Variants in CADM2 observed in about 807,000 individuals in gnomAD.
The protein encoded by CADM2 is immunoglobulin superfamily member 4D.
CADM2 carries 12 observed loss-of-function variants against 49.8 expected under a neutral mutation model. The observed-to-expected ratio is 0.24, with a 90% CI of 0.15 to 0.39. The LOEUF (loss-of-function observed/expected upper bound fraction) is 0.39. CADM2 is among the 10% of genes least tolerant of loss of function. The probability of loss-of-function intolerance (pLI) is 1.00; values close to 1 mark genes in which losing one functional copy is unlikely to be tolerated. For missense variants in CADM2, 378 were observed against 492.3 expected (o/e 0.77, Z 2.20); for synonymous variants, 214 against 175.4 (o/e 1.22, Z -1.74).
chr3:86,021,197 G>A (rs1246495367), intron 8 of CADM2, among the ~76,000 whole-genome samples: 1 of 151,918 alleles, frequency 6.6e-6, no homozygotes, highest in Non-Finnish European at 1.5e-5. Context: ...ATGAGGTTTT[G>A]CCATGTTGGC....
chr3:85,207,388 C>T (rs1208208921), intron 1 of CADM2, among the ~76,000 whole-genome samples: 2 of 152,028 alleles, frequency 1.3e-5, no homozygotes, highest in Non-Finnish European at 2.9e-5. Flanking sequence ...GGGTAACAGA[C>T]ATTTTATTTT....
In CADM2 at chr3:85,216,035, G is replaced by A. The variant is rs1186860925; in HGVS notation, c.61+256367G>A. Among the ~76,000 whole-genome samples the A allele has an allele frequency of 2.6e-5, 4 of 151,906 alleles. 1 individual carries two copies. Among genetic ancestry groups the A allele is most frequent in the African/African-American group, 9.7e-5 (4 of 41,352 alleles). On this transcript the variant is annotated intron_variant, in intron 1 of 9. Coordinates refer to ENST00000383699, the MANE Select transcript of CADM2 (RefSeq NM_001167675.2). The stretch of plus-strand genomic sequence containing the variant: ...TTTCCTTACTATGACGTTAAAGCCA[G>A]GTACTATGTTTGTTCACCTGATTTT...
chr3:85,793,755 C>G (rs1405299096), intron 2 of CADM2, among the ~76,000 whole-genome samples: 2 of 152,282 alleles, frequency 1.3e-5, no homozygotes, highest in Admixed American at 6.5e-5. Flanking sequence ...CTAAATGCAT[C>G]TTTGACATGT....
chr3:86,073,481 A>T lies in CADM2; in HGVS notation c.*6698A>T, dbSNP rs943875120. ...CACTTGCATGTTGATATGCCTATAT[A>T]CTTACAAAGTATTCAATGTGTACTT... On this transcript the variant is annotated 3_prime_UTR_variant, in exon 10 of 10. Transcript: ENST00000383699. 6.6e-6 allele frequency: 1 copy of T among 152,038 alleles called. No homozygotes were observed. Among genetic ancestry groups the T allele is most frequent in the African/African-American group, 2.4e-5 (1 of 41,456 alleles). 9.4% of individuals were successfully genotyped at this position (152,038 alleles called of 1,614,324 possible).
intron 2 of CADM2, among the ~76,000 whole-genome samples, chr3:85,793,497 G>T (rs2071455240): frequency 6.6e-6 from 1 of 152,146 alleles, no homozygotes; most frequent in Admixed American, 6.5e-5. Context: ...GGTTTCAGAG[G>T]TGTGCTGTAA....
chr3:85,937,809 A>T (rs1721363646), intron 7 of CADM2, among the ~76,000 whole-genome samples: 1 of 152,014 alleles, frequency 6.6e-6, no homozygotes, highest in African/African-American at 2.4e-5. Flanking sequence ...GTTCTTAACC[A>T]TATAAAAATC....
chr3:85,621,078 C>T (rs1193993902), intron 1 of CADM2, among the ~76,000 whole-genome samples: 6 of 151,974 alleles, frequency 3.9e-5, no homozygotes, highest in Non-Finnish European at 8.8e-5. Flanking sequence ...GGAGGCATCC[C>T]CTTACAATGG....
At chr3:86,042,875 T>C (rs1006710666) in intron 8 of CADM2, among the ~76,000 whole-genome samples, 5 of 152,150 alleles carry the variant, frequency 3.3e-5, no homozygotes, top group African/African-American at 1.2e-4. Context: ...AAAAAGCTTA[T>C]CCAGCATGAT....
At chr3:85,768,290 A>G (rs939912448) in intron 2 of CADM2, among the ~76,000 whole-genome samples, 2 of 151,818 alleles carry the variant, frequency 1.3e-5, no homozygotes, top group Non-Finnish European at 2.9e-5. Context: ...CTACTAAAAT[A>G]GAAAAATTAG....
chr3:85,900,956 C>A (rs1235748689), intron 5 of CADM2, among the ~76,000 whole-genome samples: 1 of 152,146 alleles, frequency 6.6e-6, no homozygotes, highest in Admixed American at 6.5e-5. Flanking sequence ...TCTTTGAATG[C>A]ATAAGATATT....
At chr3:85,533,897 T>C (rs1252640470) in intron 1 of CADM2, among the ~76,000 whole-genome samples, 1 of 152,022 alleles carries the variant, frequency 6.6e-6, no homozygotes, top group Non-Finnish European at 1.5e-5. Context: ...AGAGCAAGCC[T>C]TTCCACAGAC....
chr3:85,305,311 C>A lies in CADM2; in HGVS notation c.61+345643C>A, dbSNP rs546485422. ...AAAATTTAAAATAATTTATTTTTAA[C>A]TGGAAGGGAAAAAAATCCACATTAC... On this transcript the variant is annotated intron_variant, in intron 1 of 9. Transcript: ENST00000383699. Among the ~76,000 whole-genome samples the A allele has an allele frequency of 2.6e-5, 4 of 151,452 alleles. No homozygotes were observed. In the East Asian group the frequency reaches 7.8e-4, roughly 29 times the overall value.
rs1288445260 is a variant in CADM2, at chr3:86,067,017, T to C, written c.*234T>C. The C allele has an allele frequency of 2.0e-6, 1 of 502,130 alleles. No individual in the cohort carries two copies. Among genetic ancestry groups the C allele is most frequent in the Non-Finnish European group, 3.6e-6 (1 of 279,536 alleles). 31.1% of individuals were successfully genotyped at this position (502,130 alleles called of 1,614,324 possible). On this transcript the variant is annotated 3_prime_UTR_variant, in exon 10 of 10. Coordinates refer to ENST00000383699, the MANE Select transcript of CADM2 (RefSeq NM_001167675.2). ...CTGCCTAAATTTCACACCATTGCTC[T>C]TTTAACATACAGTGCTTGAATATAC... is the stretch of plus-strand genomic sequence containing the variant.
At chr3:85,291,681 G>A (rs199697457) in intron 1 of CADM2, among the ~76,000 whole-genome samples, 1 of 141,968 alleles carries the variant, frequency 7.0e-6, no homozygotes, top group Non-Finnish European at 1.5e-5. Context: ...TCATATCCAG[G>A]CAAACTAAGC....
At chr3:85,193,212 T>C (rs2041251157) in intron 1 of CADM2, among the ~76,000 whole-genome samples, 1 of 152,094 alleles carries the variant, frequency 6.6e-6, no homozygotes, top group Admixed American at 6.6e-5. Context: ...AAATTAGTTG[T>C]CTGACTTCAT....
chr3:85,298,379 G>T (rs2044017690), intron 1 of CADM2, among the ~76,000 whole-genome samples: 1 of 152,066 alleles, frequency 6.6e-6, no homozygotes. Flanking sequence ...TCTGAAATGA[G>T]ATCTAATTGC....
chr3:85,039,892 AG>A lies in CADM2; in HGVS notation c.61+80225del, dbSNP rs566288278. Among the ~76,000 whole-genome samples, 576 of 152,362 alleles carry A rather than the reference AG, an allele frequency of 3.8e-3. 3 individuals carry two copies. The highest frequency in any genetic ancestry group is 5.4e-3 in the Non-Finnish European group (364 of 68,034). On this transcript the variant is annotated intron_variant, in intron 1 of 9. Transcript: ENST00000383699. The stretch of plus-strand genomic sequence containing the variant: ...AGAAAAAACGGCTTCACCCAGCAAT[AG>A]TTTCAGCAGCCAAAAGTTAATACTT...
At chr3:85,208,316 CA>C (rs1235338204) in intron 1 of CADM2, among the ~76,000 whole-genome samples, 6 of 151,918 alleles carry the variant, frequency 3.9e-5, no homozygotes, top group South Asian at 2.1e-4. Context: ...AATAAAAGTA[CA>C]ATTGTAGGAC....
chr3:85,110,434 G>C (rs1026988069), intron 1 of CADM2, among the ~76,000 whole-genome samples: 1 of 151,716 alleles, frequency 6.6e-6, no homozygotes, highest in African/African-American at 2.4e-5. Flanking sequence ...CTTTATGATT[G>C]TCCCTCCTTT....
Sources: allele counts gnomAD v4.1 joint callset (sites outside exome capture counted in the v4.1 genomes callset), GRCh38; gene constraint gnomAD v4.1.1; transcripts MANE v1.5; gene names NCBI Gene and HGNC (gene_info 2026-07-23, HGNC 2026-07-21).